The following TRIM36 variants were observed in gnomAD, a reference collection of about 807,000 sequenced individuals.
TRIM36 encodes the protein tripartite motif containing 36, also known as E3 ubiquitin-protein ligase TRIM36.
In TRIM36, 42 loss-of-function variants were observed where a neutral mutation model predicts 72.4. That is an observed-to-expected ratio of 0.58 (90% confidence interval 0.45 to 0.75). TRIM36 has a LOEUF of 0.75. Among genes scored for constraint, TRIM36 ranks in the 30% least tolerant of loss-of-function variants. The pLI is 0.00. For synonymous variants in TRIM36, 315 were observed against 282.8 expected (o/e 1.11, Z -1.14); for missense variants, 913 against 857.1 (o/e 1.07, Z -0.81).
At chr5:115,176,146 A>G (rs960018607) in intron 1 of TRIM36, among the ~76,000 whole-genome samples, 4 of 152,188 alleles carry the variant, frequency 2.6e-5, no homozygotes, top group African/African-American at 9.7e-5. Context: ...AAAAATAAAA[A>G]TAAAAATACT....
intron 1 of TRIM36, among the ~76,000 whole-genome samples, 182 bp from the exon 2 acceptor site, chr5:115,163,934 A>G (rs1379575960): frequency 6.6e-6 from 1 of 152,190 alleles, no homozygotes; most frequent in Non-Finnish European, 1.5e-5. Flanking sequence ...AACACCCATA[A>G]CCCAGAACTG....
chr5:115,163,816 C>T, intron 1 of TRIM36, 64 bp from the exon 2 acceptor site: 2 of 1,191,076 alleles, frequency 1.7e-6, no homozygotes, highest in Non-Finnish European at 2.4e-6. Flanking sequence ...ATTCTTATAC[C>T]TCCTGAATAA....
chr5:115,134,369 G>GT lies in TRIM36; in HGVS notation c.1211-223dup, dbSNP rs576045339. On this transcript the variant is annotated intron_variant, in intron 7 of 9. Transcript: ENST00000513154. ...TTTGTAACTGAAAGGAGAAAGAAGAGTAAAAAAGACAAAAACTGACTCAAA... is the reference window on the plus strand; with the variant it reads ...TTTGTAACTGAAAGGAGAAAGAAGAGTTAAAAAAGACAAAAACTGACTCAAA... Among the ~76,000 whole-genome samples, 365 of 152,014 alleles carry GT rather than the reference G, an allele frequency of 2.4e-3. 1 individual carries two copies. Among genetic ancestry groups the GT allele is most frequent in the African/African-American group, 8.4e-3 (347 of 41,488 alleles).
chr5:115,131,424 G>C (rs978063470), intron 8 of TRIM36, among the ~76,000 whole-genome samples: 6 of 152,096 alleles, frequency 3.9e-5, no homozygotes, highest in Admixed American at 6.6e-5. Flanking sequence ...ACCTGGGTTT[G>C]AATCCTACTC....
intron 2 of TRIM36, among the ~76,000 whole-genome samples, chr5:115,150,972 G>C (rs1021893040): frequency 1.3e-5 from 2 of 152,234 alleles, no homozygotes; most frequent in Admixed American, 1.3e-4. Flanking sequence ...AAAGGCCACA[G>C]GGAGAAGGAA....
intron 2 of TRIM36, among the ~76,000 whole-genome samples, chr5:115,161,523 G>A (rs1754481089): frequency 6.6e-6 from 1 of 152,198 alleles, no homozygotes; most frequent in South Asian, 2.1e-4. Flanking sequence ...GCCCTATTGA[G>A]CTGGTGTGGT....
intron 9 of TRIM36, 53 bp from the exon 10 acceptor site, chr5:115,126,910 C>G: frequency 6.6e-7 from 1 of 1,506,740 alleles, no homozygotes; most frequent in East Asian, 2.3e-5. Flanking sequence ...TAAGTATCTT[C>G]AAAACATTTT....
intron 2 of TRIM36, 131 bp downstream of exon 2, chr5:115,163,387 C>A: frequency 1.4e-6 from 1 of 731,006 alleles, no homozygotes; most frequent in Non-Finnish European, 2.2e-6. Context: ...TTTATAACTA[C>A]AGTTTTAATT....
At chr5:115,170,091 G>C, upstream of TRIM36, 4 of 557,194 alleles carry the variant, frequency 7.2e-6, no homozygotes, top group Non-Finnish European at 9.2e-6. Context: ...GGTGTGGCAC[G>C]CGGTTGGGAC....
rs183092558 is a variant in TRIM36 at position 115,155,881 on chromosome 5, A to G, written c.262+7637T>C. Among the ~76,000 whole-genome samples, 9 of 152,360 alleles carry G rather than the reference A, an allele frequency of 5.9e-5. No homozygotes were observed. The East Asian group carries it at 1.7e-3, about 29-fold the overall frequency. On this transcript the variant is annotated intron_variant, in intron 2 of 9. Coordinates refer to ENST00000513154, the MANE Select transcript of TRIM36 (RefSeq NM_001300759.2). ...GTCAAACTATCACTGTTTGCTGATG[A>G]CATGATTTTTTACCTCGAAAACCCT...
chr5:115,175,949 A>T (rs969513599), intron 1 of TRIM36, among the ~76,000 whole-genome samples: 12 of 152,106 alleles, frequency 7.9e-5, no homozygotes, highest in Non-Finnish European at 1.3e-4. Context: ...ACATGGCGAA[A>T]CCCTGTCTCT....
chr5:115,136,066 G>C (rs531177849), intron 7 of TRIM36, among the ~76,000 whole-genome samples: 4 of 152,034 alleles, frequency 2.6e-5, no homozygotes, highest in African/African-American at 4.8e-5. Context: ...AAATACAAAC[G>C]TAAGCAAGTG....
At chr5:115,159,068 C>A (rs1754337744) in intron 2 of TRIM36, among the ~76,000 whole-genome samples, 1 of 152,182 alleles carries the variant, frequency 6.6e-6, no homozygotes, top group Non-Finnish European at 1.5e-5. Context: ...GTTGCCCCAT[C>A]TTTTACATAG....
chr5:115,133,739 A>G, intron 8 of TRIM36, 121 bp downstream of exon 8: 1 of 974,780 alleles, frequency 1.0e-6, no homozygotes, highest in South Asian at 2.6e-5. Context: ...ACTTTTCTGG[A>G]GTCTTTTAAA....
Position 115,132,550 on chromosome 5 carries a change from G to GAAAA in TRIM36, c.1498+1306_1498+1309dup, listed in dbSNP as rs11290682. 3.9e-3 allele frequency among the ~76,000 whole-genome samples: 435 copies of GAAAA among 110,854 alleles called. 4 individuals carry two copies. The highest frequency in any genetic ancestry group is 5.9e-3 in the Non-Finnish European group (334 of 56,202). 72.7% of individuals were successfully genotyped at this position (110,854 alleles called of 152,430 possible). A position where few individuals can be genotyped will look rare whatever the true frequency, so the allele number is the denominator to read the frequency against. On this transcript the variant is annotated intron_variant, in intron 8 of 9. Transcript: ENST00000513154. ...CAGAGCCAGACTCCACCTCCAAAAA[G>GAAAA]AAAAAAAAAAAAAAAAAAAGACTGC...
At chr5:115,150,908 G>A (rs558257987) in intron 2 of TRIM36, among the ~76,000 whole-genome samples, 4 of 152,330 alleles carry the variant, frequency 2.6e-5, no homozygotes, top group East Asian at 1.9e-4. Context: ...CCATCAAGTC[G>A]TTTTTGCCTG....
At chr5:115,142,922 T>C (rs1753352338) in intron 4 of TRIM36, among the ~76,000 whole-genome samples, 1 of 152,126 alleles carries the variant, frequency 6.6e-6, no homozygotes. Flanking sequence ...CACTAGTGTA[T>C]ATCAGAGTCT....
chr5:115,170,231 C>G (rs910195210), upstream of TRIM36, among the ~76,000 whole-genome samples: 3 of 148,490 alleles, frequency 2.0e-5, no homozygotes, highest in African/African-American at 7.4e-5. Context: ...GAGCGGTGGG[C>G]GGGTGCCGAG....
rs777285356 is a variant in TRIM36, at chr5:115,137,446, A to C, written c.1002T>G (p.Asn334Lys). The C allele has an allele frequency of 1.2e-6, 2 of 1,614,156 alleles. No homozygotes were observed. The highest frequency in any genetic ancestry group is 2.2e-5 in the South Asian group (2 of 91,080). The stretch of plus-strand genomic sequence containing the variant: ...CTTCTTGAGCATATCCCACAAGTCC[A>C]TTGTTCTCTAGAAGTCCCTGGTACT... ...MEEYQGLLENNGLVGYAQEVL... is the reference protein window; with the variant it reads ...MEEYQGLLENKGLVGYAQEVL... Residue 334 changes from asparagine (N) to lysine (K), a missense_variant, in exon 6 of 10, where the codon AAT becomes AAG. Physicochemically the swap from Asn to Lys is moderately conservative, Grantham distance 94. Transcript: ENST00000513154.
Sources: allele counts gnomAD v4.1 joint callset (sites outside exome capture counted in the v4.1 genomes callset), GRCh38; gene constraint gnomAD v4.1.1; transcripts MANE v1.5; gene names NCBI Gene and HGNC (gene_info 2026-07-23, HGNC 2026-07-21).